Variants in CNTN3 observed in about 807,000 individuals in gnomAD.
CNTN3 encodes contactin 3.
Under a neutral mutation model 119.1 loss-of-function variants are expected in CNTN3, and 60 were observed. The ratio of observed to expected loss-of-function variants is 0.50; its 90% CI spans 0.41 to 0.62. The LOEUF (loss-of-function observed/expected upper bound fraction) is 0.62. Ranked by LOEUF, CNTN3 falls within the 20% of genes least tolerant of loss-of-function variation. The probability of loss-of-function intolerance (pLI) is 0.00; values close to 1 mark genes in which losing one functional copy is unlikely to be tolerated. For synonymous variants in CNTN3, 450 were observed against 438.7 expected (o/e 1.03, Z -0.32); for missense variants, 1,101 against 1,242.4 (o/e 0.89, Z 1.71).
At chr3:74,407,195 G>A (rs1327702444) in intron 5 of CNTN3, among the ~76,000 whole-genome samples, 2 of 151,838 alleles carry the variant, frequency 1.3e-5, no homozygotes, top group Admixed American at 6.6e-5. Flanking sequence ...TATATTGTGT[G>A]GGTGCTAGAA....
chr3:74,578,998 A>G (rs1379099121), intron 1 of CNTN3, among the ~76,000 whole-genome samples: 7 of 152,068 alleles, frequency 4.6e-5, no homozygotes, highest in African/African-American at 1.7e-4. Context: ...AGAAGCAACT[A>G]TATGCTCTTT....
At chr3:74,611,155 T>A (rs1299489725) in intron 1 of CNTN3, among the ~76,000 whole-genome samples, 1 of 152,156 alleles carries the variant, frequency 6.6e-6, no homozygotes, top group African/African-American at 2.4e-5. Context: ...TGCCAATAGG[T>A]CTGCAACAAG....
intron 17 of CNTN3, among the ~76,000 whole-genome samples, chr3:74,298,601 GA>G (rs397839322): frequency 0.012 from 1,751 of 141,352 alleles, 26 homozygotes; most frequent in African/African-American, 0.04. Flanking sequence ...AGTAAAACTG[GA>G]AAAAAAAAAA....
chr3:74,456,983 A>C (rs1175222750), intron 4 of CNTN3, among the ~76,000 whole-genome samples: 1 of 152,076 alleles, frequency 6.6e-6, no homozygotes, highest in Non-Finnish European at 1.5e-5. Flanking sequence ...GCCAATAAAC[A>C]CAAAATTCTA....
At chr3:74,309,106 T>C (rs1360191121) in intron 13 of CNTN3, among the ~76,000 whole-genome samples, 2 of 151,870 alleles carry the variant, frequency 1.3e-5, no homozygotes, top group Non-Finnish European at 2.9e-5. Context: ...TTATTTATTA[T>C]TTATTTATTT....
intron 4 of CNTN3, among the ~76,000 whole-genome samples, chr3:74,429,801 C>T (rs182651972): frequency 2.0e-5 from 3 of 151,940 alleles, no homozygotes; most frequent in Admixed American, 1.3e-4. Context: ...ATAAAACATA[C>T]GATTCCATTA....
intron 4 of CNTN3, among the ~76,000 whole-genome samples, chr3:74,448,859 C>T (rs949025377): frequency 2.8e-4 from 42 of 152,196 alleles, no homozygotes; most frequent in African/African-American, 9.6e-4. Flanking sequence ...TCACTATATA[C>T]CACACATTCA....
At chr3:74,389,835 T>C (rs1260625988) in intron 5 of CNTN3, among the ~76,000 whole-genome samples, 1 of 152,068 alleles carries the variant, frequency 6.6e-6, no homozygotes, top group Non-Finnish European at 1.5e-5. Context: ...CTCTATTCCA[T>C]ATGCCAAAGA....
intron 11 of CNTN3, among the ~76,000 whole-genome samples, chr3:74,359,632 C>T (rs1356784825): frequency 1.3e-5 from 2 of 152,082 alleles, no homozygotes; most frequent in Non-Finnish European, 2.9e-5. Flanking sequence ...TTTACCAGCA[C>T]CATCGCTATA....
At chr3:74,288,587 T>G (rs1702164866) in intron 19 of CNTN3, among the ~76,000 whole-genome samples, 1 of 152,226 alleles carries the variant, frequency 6.6e-6, no homozygotes, top group South Asian at 2.1e-4. Flanking sequence ...AATTACATTC[T>G]TCTGCCAAAC....
At chr3:74,334,682 T>A in intron 13 of CNTN3, 53 bp downstream of exon 13, 3 of 1,489,510 alleles carry the variant, frequency 2.0e-6, no homozygotes, top group Non-Finnish European at 2.8e-6. Context: ...TCAGAAGCAA[T>A]GTGCCAGAGA....
At chr3:74,291,008 T>C (rs184300624) in intron 19 of CNTN3, among the ~76,000 whole-genome samples, 115 of 152,290 alleles carry the variant, frequency 7.6e-4, no homozygotes, top group African/African-American at 2.6e-3. Flanking sequence ...CATTAACTCA[T>C]CATTTACATT....
At chr3:74,571,703 A>G (rs1458153850) in intron 1 of CNTN3, among the ~76,000 whole-genome samples, 2 of 152,200 alleles carry the variant, frequency 1.3e-5, no homozygotes, top group South Asian at 4.1e-4. Context: ...TGTCAAAAGA[A>G]TCCTGCCATT....
chr3:74,499,565 A>T, intron 3 of CNTN3, 94 bp downstream of exon 3: 2 of 1,176,606 alleles, frequency 1.7e-6, no homozygotes, highest in African/African-American at 1.5e-5. Context: ...TTTCTTACTG[A>T]TGGCATAAAT....
chr3:74,274,110 T>C (rs1701834405), intron 20 of CNTN3, among the ~76,000 whole-genome samples: 1 of 152,002 alleles, frequency 6.6e-6, no homozygotes, highest in Non-Finnish European at 1.5e-5. Context: ...ATAACTCTAT[T>C]GACCTGGGAA....
chr3:74,556,201 TTTA>T (rs1252887181), intron 1 of CNTN3, among the ~76,000 whole-genome samples: 2 of 152,170 alleles, frequency 1.3e-5, no homozygotes, highest in African/African-American at 4.8e-5. Flanking sequence ...ACTTCAATGG[TTTA>T]TAGTATGTTC....
At chr3:74,374,892 T>C (rs939556543) in intron 5 of CNTN3, among the ~76,000 whole-genome samples, 5 of 152,158 alleles carry the variant, frequency 3.3e-5, no homozygotes, top group African/African-American at 1.2e-4. Flanking sequence ...TCCCTTGAAT[T>C]ACACTGGACT....
intron 1 of CNTN3, among the ~76,000 whole-genome samples, chr3:74,570,192 A>T (rs1704287999): frequency 6.6e-6 from 1 of 152,006 alleles, no homozygotes; most frequent in Admixed American, 6.6e-5. Flanking sequence ...ATACCCAAGT[A>T]GGTACTACAA....
intron 1 of CNTN3, among the ~76,000 whole-genome samples, chr3:74,591,819 G>C (rs78222364): frequency 0.025 from 3,872 of 151,970 alleles, 76 homozygotes; most frequent in South Asian, 0.041. Context: ...AATCAAGAGC[G>C]AGACATTCAG....
Sources: gnomAD v4.1 joint callset for allele counts (sites outside exome capture counted in the v4.1 genomes callset) on GRCh38, gnomAD v4.1.1 for gene constraint, MANE v1.5 for transcripts, NCBI Gene and HGNC (gene_info 2026-07-23, HGNC 2026-07-21) for gene names.